CDCA7L: variants seen among roughly 807,000 people sequenced by gnomAD.
The protein encoded by CDCA7L is cell division cycle associated 7 like.
CDCA7L carries 44 observed loss-of-function variants against 57.4 expected under a neutral mutation model. That is an observed-to-expected ratio of 0.77 (90% CI 0.60 to 0.98). The LOEUF (loss-of-function observed/expected upper bound fraction) is 0.98, where lower values mean the gene tolerates loss of function less well. Among genes scored for constraint, CDCA7L ranks in the 50% least tolerant of loss-of-function variants. The pLI is 0.00. For synonymous variants in CDCA7L, 236 were observed against 202.8 expected (o/e 1.16, Z -1.39); for missense variants, 644 against 580.6 (o/e 1.11, Z -1.12).
At position 21,906,104 on chromosome 7, in the gene CDCA7L, G is replaced by GGCTGCTTCTCAAAGTGTGATCTCAGGAGC. The variant is rs568379504; in HGVS notation, c.921+156_921+184dup. 3.0e-3 allele frequency among the ~76,000 whole-genome samples: 452 copies of GGCTGCTTCTCAAAGTGTGATCTCAGGAGC among 152,212 alleles called. 3 individuals carry two copies. In the East Asian group the frequency reaches 0.04, roughly 13 times the overall value. On this transcript the variant is annotated intron_variant, in intron 6 of 9. Transcript: ENST00000406877. ...CTCTGTGACCTCCAGCTTAGACCAGGGCTGCTTCTCAAAGTGTGATCTCAG... is the reference window on the plus strand; with the variant it reads ...CTCTGTGACCTCCAGCTTAGACCAGGGCTGCTTCTCAAAGTGTGATCTCAGGAGCGCTGCTTCTCAAAGTGTGATCTCAG...
At chr7:21,916,366 A>C (rs1785479973) in intron 2 of CDCA7L, among the ~76,000 whole-genome samples, 1 of 152,068 alleles carries the variant, frequency 6.6e-6, no homozygotes, top group African/African-American at 2.4e-5. Flanking sequence ...GGGACCACAG[A>C]GGTGTAATTG....
At chr7:21,921,274 T>A (rs945460659) in intron 1 of CDCA7L, among the ~76,000 whole-genome samples, 5 of 141,812 alleles carry the variant, frequency 3.5e-5, no homozygotes, top group Non-Finnish European at 7.5e-5. Context: ...ATTCCTGGGG[T>A]ACGCAGGGCT....
intron 3 of CDCA7L, among the ~76,000 whole-genome samples, chr7:21,911,038 TTTTTTTTTTG>T (rs1785308329): frequency 1.2e-5 from 1 of 84,850 alleles, no homozygotes; most frequent in Non-Finnish European, 2.2e-5. Flanking sequence ...TTTTTTTTTT[TTTTTTTTTTG>T]AGATGGAGTC....
rs116846431 is a variant in CDCA7L at position 21,934,670 on chromosome 7, C to T, written c.24+11111G>A. ...AAAATAGGATACAACTCTACACTAT[C>T]TACAACAGACTCACTTTAGATCTAA... On this transcript the variant is annotated intron_variant, in intron 1 of 9. Coordinates refer to ENST00000406877, the MANE Select transcript of CDCA7L (RefSeq NM_018719.5). 6.5e-3 allele frequency among the ~76,000 whole-genome samples: 987 copies of T among 152,220 alleles called. 3 individuals carry two copies. The highest frequency in any genetic ancestry group is 9.7e-3 in the Non-Finnish European group (660 of 68,006).
rs748923292 is a variant in CDCA7L at position 21,945,849 on chromosome 7, G to C, written c.-45C>G. 1.3e-6 allele frequency: 2 copies of C among 1,577,080 alleles called. No homozygotes were observed. The highest frequency in any genetic ancestry group is 1.7e-6 in the Non-Finnish European group (2 of 1,164,334). ...GTCTCCTCCCAGCACGCGGCCACGGGAGCCCGGACTCACCACGGCCCGGCG... is the reference window on the plus strand; with the variant it reads ...GTCTCCTCCCAGCACGCGGCCACGGCAGCCCGGACTCACCACGGCCCGGCG... On this transcript the variant is annotated 5_prime_UTR_variant, in exon 1 of 10. Coordinates refer to ENST00000406877, the MANE Select transcript of CDCA7L (RefSeq NM_018719.5).
rs759717318 is a variant in CDCA7L, at chr7:21,908,256, GTCTT to G, written c.551_554del (p.Lys184ThrfsTer5). The G allele has an allele frequency of 3.7e-6, 6 of 1,613,664 alleles. No individual in the cohort carries two copies. The highest frequency in any genetic ancestry group is 1.1e-5 in the South Asian group (1 of 91,034). ...CTTCCCTTTGTATCACCTGTCTACA[GTCTT>G]TCTTTCTTTCAAGAATTGTTTTTTT... On this transcript the variant is annotated frameshift_variant, in exon 4 of 10. Transcript: ENST00000406877. LOFTEE classifies it high-confidence loss of function.
intron 1 of CDCA7L, among the ~76,000 whole-genome samples, chr7:21,929,262 T>C (rs1297476032): frequency 1.3e-5 from 2 of 152,014 alleles, no homozygotes; most frequent in Admixed American, 6.5e-5. Flanking sequence ...TGCTGAGAGA[T>C]TTTGTCACCA....
intron 1 of CDCA7L, among the ~76,000 whole-genome samples, chr7:21,944,523 T>C (rs1338753700): frequency 6.8e-6 from 1 of 146,666 alleles, no homozygotes; most frequent in Non-Finnish European, 1.5e-5. Flanking sequence ...AATCGAACCC[T>C]GTCTCATTCC....
intron 1 of CDCA7L, among the ~76,000 whole-genome samples, chr7:21,922,872 A>G (rs376073343): frequency 1.3e-5 from 2 of 151,872 alleles, no homozygotes; most frequent in Admixed American, 6.5e-5. Context: ...CACAACATGG[A>G]TGAACTTTGA....
intron 5 of CDCA7L, 54 bp downstream of exon 5, chr7:21,906,514 G>A: frequency 6.2e-7 from 1 of 1,612,228 alleles, no homozygotes; most frequent in Non-Finnish European, 8.5e-7. Context: ...AAAGCCGTCT[G>A]GTGGCTGATC....
chr7:21,931,123 G>A (rs113995807), intron 1 of CDCA7L, among the ~76,000 whole-genome samples: 219 of 152,272 alleles, frequency 1.4e-3, no homozygotes, highest in African/African-American at 5.1e-3. Flanking sequence ...TTCTGAAATT[G>A]GGGCAGTAAT....
intron 1 of CDCA7L, among the ~76,000 whole-genome samples, chr7:21,923,611 T>C (rs1785733046): frequency 6.6e-6 from 1 of 152,310 alleles, no homozygotes; most frequent in African/African-American, 2.4e-5. Context: ...GTTTTAATGG[T>C]ACCATCACTT....
intron 7 of CDCA7L, 36 bp from the exon 8 acceptor site, chr7:21,904,295 G>A: frequency 6.5e-7 from 1 of 1,545,264 alleles, no homozygotes; most frequent in Non-Finnish European, 8.7e-7. Context: ...TGAACACAGG[G>A]ATATGCTGAT....
Position 21,902,280 on chromosome 7 carries a change from G to C in CDCA7L, c.*42C>G. 3 of 1,570,480 alleles carry C rather than the reference G, an allele frequency of 1.9e-6. No homozygotes were observed. Among genetic ancestry groups the C allele is most frequent in the South Asian group, 2.2e-5 (2 of 90,472 alleles). ...CACCAATGGTATGCATGTCTTGTTG[G>C]AGTACTCTATGGTGAGGTGGCTGGT... On this transcript the variant is annotated 3_prime_UTR_variant, in exon 10 of 10. Coordinates refer to ENST00000406877, the MANE Select transcript of CDCA7L (RefSeq NM_018719.5).
intron 1 of CDCA7L, among the ~76,000 whole-genome samples, chr7:21,929,113 A>G (rs1328186554): frequency 5.3e-5 from 8 of 152,200 alleles, no homozygotes; most frequent in Admixed American, 5.2e-4. Flanking sequence ...ATCTCTAGGC[A>G]GAAACCCTAC....
chr7:21,919,812 A>G (rs532179435), intron 1 of CDCA7L, among the ~76,000 whole-genome samples: 16 of 152,266 alleles, frequency 1.1e-4, no homozygotes, highest in East Asian at 7.7e-4. Flanking sequence ...TACCAACAAC[A>G]AACAGTGCAG....
Position 21,904,150 on chromosome 7 carries a change from T to C in CDCA7L, c.1157A>G (p.Asn386Ser), listed in dbSNP as rs1583839242. Residue 386 changes from asparagine to serine, a missense_variant, in exon 8 of 10, where the codon AAC becomes AGC. Physicochemically the swap from Asn to Ser is conservative, Grantham distance 46. Coordinates refer to ENST00000406877, the MANE Select transcript of CDCA7L (RefSeq NM_018719.5). ...CGATCTGACATCCTCCCCATAGCGG[T>C]TCCGCAGGCATGGTCCACAGAACTG... The part of the protein sequence containing the change: ...RGQFCGPCLR[N>S]RYGEDVRSAL... 1 of 1,612,672 alleles carries C rather than the reference T, an allele frequency of 6.2e-7. No individual in the cohort carries two copies. The highest frequency in any genetic ancestry group is 2.2e-5 in the East Asian group (1 of 44,788).
rs529189616 is a variant in CDCA7L at position 21,945,872 on chromosome 7, G to A, written c.-68C>T. 1.6e-4 allele frequency: 249 copies of A among 1,530,242 alleles called. 2 individuals carry two copies. The East Asian group carries it at 3.6e-3, about 22-fold the overall frequency. 94.8% of individuals were successfully genotyped at this position (1,530,242 alleles called of 1,614,324 possible). On this transcript the variant is annotated 5_prime_UTR_variant, in exon 1 of 10. Coordinates refer to ENST00000406877, the MANE Select transcript of CDCA7L (RefSeq NM_018719.5). The stretch of plus-strand genomic sequence containing the variant: ...GGGAGCCCGGACTCACCACGGCCCG[G>A]CGCACCAAGAACGCCCCGCGCCCGA...
chr7:21,937,467 T>C (rs1323603086), intron 1 of CDCA7L, among the ~76,000 whole-genome samples: 1 of 151,894 alleles, frequency 6.6e-6, no homozygotes. Context: ...AAACCCCATC[T>C]CTACTAAAAT....
Sources: allele counts gnomAD v4.1 joint callset (sites outside exome capture counted in the v4.1 genomes callset), GRCh38; gene constraint gnomAD v4.1.1; transcripts MANE v1.5; gene names NCBI Gene and HGNC (gene_info 2026-07-23, HGNC 2026-07-21).